HGS: variants seen among roughly 807,000 people sequenced by gnomAD.
HGS encodes the protein human growth factor-regulated tyrosine kinase substrate.
HGS carries 63 observed loss-of-function variants against 109.7 expected under a neutral mutation model. The ratio of observed to expected loss-of-function variants is 0.57; its 90% CI spans 0.47 to 0.71. The LOEUF is 0.71. HGS is among the 30% of genes least tolerant of loss of function. The probability of loss-of-function intolerance (pLI) is 0.00; values close to 1 mark genes in which losing one functional copy is unlikely to be tolerated. For synonymous variants in HGS, 546 were observed against 437.3 expected, an observed-to-expected ratio of 1.25 and a Z score of -3.10; for missense variants, 995 against 1,068.3, an observed-to-expected ratio of 0.93 and a Z score of 0.96.
At chr17:81,687,945 G>A (rs1349057221) in intron 4 of HGS, among the ~76,000 whole-genome samples, 1 of 152,210 alleles carries the variant, frequency 6.6e-6, no homozygotes, top group Non-Finnish European at 1.5e-5. Context: ...AGGTGCCGGA[G>A]TCTGGCCCTG....
Position 81,690,608 on chromosome 17 carries a change from G to T in HGS, c.469-66G>T. The T allele has an allele frequency of 2.0e-6, 3 of 1,493,582 alleles. No homozygotes were observed. In the East Asian group the frequency reaches 6.8e-5, roughly 34 times the overall value. The allele number at this position is 1,493,582 out of a possible 1,614,324, so 92.5% of individuals were successfully genotyped here. A position where few individuals can be genotyped will look rare whatever the true frequency, so the allele number is the denominator to read the frequency against. On this transcript the variant is annotated intron_variant, in intron 6 of 21. Coordinates refer to ENST00000329138, the MANE Select transcript of HGS (RefSeq NM_004712.5). The stretch of plus-strand genomic sequence containing the variant: ...GTCCGTTGCCTTCTGTGGGGCAGGG[G>T]AGGCTCTGTGCCTCTGGGGCTGGTG...
rs533048809 is a variant in HGS at position 81,696,724 on chromosome 17, G to C, written c.1684G>C (p.Ala562Pro). 1 of 1,607,502 alleles carries C rather than the reference G, an allele frequency of 6.2e-7. No homozygotes were observed. The highest frequency in any genetic ancestry group is 1.1e-5 in the South Asian group (1 of 90,782). ...QTVQMRAQMPAFPLPYAQLQA... is the reference protein window; with the variant it reads ...QTVQMRAQMPPFPLPYAQLQA... ...GGTCCAGATGCGCGCGCAGATGCCCGCCTTCCCCCTGCCCTACGCCCAGGC... is the reference window on the plus strand; with the variant it reads ...GGTCCAGATGCGCGCGCAGATGCCCCCCTTCCCCCTGCCCTACGCCCAGGC... Residue 562 changes from alanine (A) to proline (P), a missense_variant, in exon 17 of 22, where the codon GCC (alanine) becomes CCC (proline). Physicochemically the swap from Ala to Pro is conservative, Grantham distance 27. Around this residue, in one of 6 missense-constraint regions of HGS, gnomAD observed 326 missense variants for 309.7 expected, o/e 1.05. Transcript: ENST00000329138.
Position 81,688,697 on chromosome 17 carries a change from C to T in HGS, c.292-7C>T. On this transcript the variant is annotated splice_region_variant and splice_polypyrimidine_tract_variant and intron_variant, in intron 4 of 21. Coordinates refer to ENST00000329138, the MANE Select transcript of HGS (RefSeq NM_004712.5). ...TGCGACCCTCACCCCCTTCTCCCTG[C>T]CTGCAGAGACAAGTGGAGGTAAACG... 6.2e-7 allele frequency: 1 copy of T among 1,613,564 alleles called. No individual in the cohort carries two copies. Among genetic ancestry groups the T allele is most frequent in the South Asian group, 1.1e-5 (1 of 90,950 alleles).
At chr17:81,698,791 A>C (rs1051210469) in intron 18 of HGS, among the ~76,000 whole-genome samples, 2 of 151,990 alleles carry the variant, frequency 1.3e-5, no homozygotes, top group African/African-American at 4.8e-5. Flanking sequence ...GAGTGCAGCC[A>C]GGTGCGGTGG....
intron 14 of HGS, 36 bp downstream of exon 14, chr17:81,695,259 C>T (rs1347807118): frequency 1.4e-5 from 22 of 1,602,846 alleles, no homozygotes; most frequent in East Asian, 2.2e-5. Context: ...CAGGGCAAAA[C>T]ATGGCCTCCT....
Position 81,690,672 on chromosome 17 carries a change from A to G in HGS, c.469-2A>G, listed in dbSNP as rs1474739304. The G allele has an allele frequency of 6.2e-7, 1 of 1,611,884 alleles. No homozygotes were observed. The highest frequency in any genetic ancestry group is 2.2e-5 in the East Asian group (1 of 44,826). On this transcript the variant is annotated splice_acceptor_variant, in intron 6 of 21. Coordinates refer to ENST00000329138, the MANE Select transcript of HGS (RefSeq NM_004712.5). LOFTEE classifies it high-confidence loss of function. ...GTGGTCCTGACTGCTGCCCCTCCTC[A>G]GGCCCCAGACTGGGTGGACGCTGAG...
In HGS at chr17:81,696,760, C is replaced by T. The variant is rs1348055840; in HGVS notation, c.1707+13C>T. 4.4e-6 allele frequency: 7 copies of T among 1,603,300 alleles called. No individual in the cohort carries two copies. The highest frequency in any genetic ancestry group is 2.2e-5 in the East Asian group (1 of 44,638). On this transcript the variant is annotated intron_variant, in intron 17 of 21. Coordinates refer to ENST00000329138, the MANE Select transcript of HGS (RefSeq NM_004712.5). ...GCCCTACGCCCAGGCATGTGCCATC[C>T]TCCCGCCACCCAGAGGCTTGTGGGC...
At chr17:81,690,394 C>T (rs1039557060) in intron 6 of HGS, 160 bp downstream of exon 6, 11 of 772,400 alleles carry the variant, frequency 1.4e-5, no homozygotes, top group African/African-American at 1.4e-4. Context: ...TAGCAGCTGT[C>T]TCTGCAGGGC....
rs561011439 is a variant in HGS, at chr17:81,685,527, C to A, written c.38-78C>A. On this transcript the variant is annotated intron_variant, in intron 1 of 21. Transcript: ENST00000329138. ...TAAAGGGGAAGGAGAGAGTCCCCCCCAGCTGCTGCCAAGCTGGGGTGCTGC... is the reference window on the plus strand; with the variant it reads ...TAAAGGGGAAGGAGAGAGTCCCCCCAAGCTGCTGCCAAGCTGGGGTGCTGC... 1.6e-5 allele frequency: 14 copies of A among 898,152 alleles called. No homozygotes were observed. The Admixed American group carries it at 2.0e-4, about 13-fold the overall frequency. The allele number at this position is 898,152 out of a possible 1,614,324, so 55.6% of individuals were successfully genotyped here. A position where few individuals can be genotyped will look rare whatever the true frequency, so the allele number is the denominator to read the frequency against.
chr17:81,686,405 C>A lies in HGS; in HGVS notation c.198+18C>A. On this transcript the variant is annotated intron_variant, in intron 3 of 21. Coordinates refer to ENST00000329138, the MANE Select transcript of HGS (RefSeq NM_004712.5). Reference sequence around the variant, plus strand: ...CCCTGGAGGTAAGCAGACCCCCGTGCCTCAGTGGCCCCCAGGGTCCCTACC... The same window carrying A: ...CCCTGGAGGTAAGCAGACCCCCGTGACTCAGTGGCCCCCAGGGTCCCTACC... 6.2e-7 allele frequency: 1 copy of A among 1,600,806 alleles called. No individual in the cohort carries two copies. The highest frequency in any genetic ancestry group is 2.2e-5 in the East Asian group (1 of 44,820).
chr17:81,693,774 G>A (rs374199185), intron 10 of HGS, 22 bp downstream of exon 10: 90 of 1,536,564 alleles, frequency 5.9e-5, no homozygotes, highest in East Asian at 5.4e-4. Context: ...GGGGCGGGGC[G>A]GCCTCAGGAG....
At chr17:81,701,487 G>C in intron 21 of HGS, 21 bp from the exon 22 acceptor site, 1 of 1,537,956 alleles carries the variant, frequency 6.5e-7, no homozygotes, top group South Asian at 1.2e-5. Flanking sequence ...CCAGGGCCAT[G>C]CCTGCTTTCC....
At chr17:81,701,436 C>T (rs2037235742) in intron 21 of HGS, 72 bp from the exon 22 acceptor site, 2 of 1,460,422 alleles carry the variant, frequency 1.4e-6, no homozygotes, top group East Asian at 2.5e-5. Context: ...TGTGGCTCTG[C>T]TGGGACAAAA....
chr17:81,691,806 G>A lies in HGS; in HGVS notation c.662+235G>A, dbSNP rs111946899. ...CGGCTCCAGGGACCGAGGCTGCCCC[G>A]ACAAACCTGTTGCTTGGGTTTGGGT... is the stretch of plus-strand genomic sequence containing the variant. On this transcript the variant is annotated intron_variant, in intron 8 of 21. Transcript: ENST00000329138. The surrounding 1 kb of genome is among the most constrained non-coding windows in gnomAD (Gnocchi z 5.3). 1.0e-5 allele frequency: 5 copies of A among 477,046 alleles called. No individual in the cohort carries two copies. Among genetic ancestry groups the A allele is most frequent in the Admixed American group, 3.3e-5 (1 of 30,158 alleles). The allele number at this position is 477,046 out of a possible 1,614,324, so 29.6% of individuals were successfully genotyped here. A position where few individuals can be genotyped will look rare whatever the true frequency, so the allele number is the denominator to read the frequency against.
chr17:81,689,196 CGTGAGCAGGCAG>C (rs1170733822), intron 5 of HGS, among the ~76,000 whole-genome samples: 1 of 152,198 alleles, frequency 6.6e-6, no homozygotes, highest in Non-Finnish European at 1.5e-5. Context: ...CCAGAGCCGG[CGTGAGCAGGCAG>C]GCAGCACCCG....
rs1277143077 is a variant in HGS at position 81,687,954 on chromosome 17, T to C, written c.292-750T>C. On this transcript the variant is annotated intron_variant, in intron 4 of 21. Transcript: ENST00000329138. Reference sequence around the variant, plus strand: ...GGCGGAAGGTGCCGGAGTCTGGCCCTGCCCGACCCTGGTGCTCCTGAGCTC... The same window carrying C: ...GGCGGAAGGTGCCGGAGTCTGGCCCCGCCCGACCCTGGTGCTCCTGAGCTC... 2.0e-5 allele frequency among the ~76,000 whole-genome samples: 3 copies of C among 152,284 alleles called. No individual in the cohort carries two copies. In the East Asian group the frequency reaches 5.8e-4, roughly 29 times the overall value.
chr17:81,695,228 G>A lies in HGS; in HGVS notation c.1179+5G>A. ...TCTGGTGGCCCCTTTAGTGAGGTAA[G>A]CTGTGGCTCCCTCCACGGGCCAGGG... On this transcript the variant is annotated splice_donor_5th_base_variant and intron_variant, in intron 14 of 21. Coordinates refer to ENST00000329138, the MANE Select transcript of HGS (RefSeq NM_004712.5). The A allele has an allele frequency of 6.2e-7, 1 of 1,614,026 alleles. No individual in the cohort carries two copies. The highest frequency in any genetic ancestry group is 8.5e-7 in the Non-Finnish European group (1 of 1,179,836).
In HGS at chr17:81,685,866, T is replaced by C. The variant is rs1042451073; in HGVS notation, c.122+177T>C. On this transcript the variant is annotated intron_variant, in intron 2 of 21. Coordinates refer to ENST00000329138, the MANE Select transcript of HGS (RefSeq NM_004712.5). Reference sequence around the variant, plus strand: ...TCTTGGAGGATTAAGGGGTTTTCTCTGTACAGCTTGCAGATACCTGGTTAT... The same window carrying C: ...TCTTGGAGGATTAAGGGGTTTTCTCCGTACAGCTTGCAGATACCTGGTTAT... 3.3e-5 allele frequency among the ~76,000 whole-genome samples: 5 copies of C among 152,340 alleles called. No individual in the cohort carries two copies. The South Asian group carries it at 1.0e-3, about 32-fold the overall frequency.
chr17:81,691,167 C>A lies in HGS; in HGVS notation c.538-280C>A, dbSNP rs1008182486. 2 of 480,706 alleles carry A rather than the reference C, an allele frequency of 4.2e-6. No homozygotes were observed. The highest frequency in any genetic ancestry group is 7.6e-6 in the Non-Finnish European group (2 of 263,058). The allele number at this position is 480,706 out of a possible 1,614,324, so 29.8% of individuals were successfully genotyped here. ...CAGCTTCCAGCACCCACTGCACTCA[C>A]AAAAGCTCTTGTTTTATCAGCAGAA... On this transcript the variant is annotated intron_variant, in intron 7 of 21. Transcript: ENST00000329138. The surrounding 1 kb of genome is among the most constrained non-coding windows in gnomAD (Gnocchi z 5.3).
Sources: gnomAD v4.1 joint callset for allele counts (sites outside exome capture counted in the v4.1 genomes callset) on GRCh38, gnomAD v4.1.1 for gene constraint, gnomAD v4.1.1 regional missense constraint, Gnocchi (gnomAD v3.1) non-coding constraint, MANE v1.5 for transcripts, NCBI Gene and HGNC (gene_info 2026-07-23, HGNC 2026-07-21) for gene names.